Variants in ZNF521 observed in about 807,000 individuals in gnomAD.
ZNF521 encodes LYST-interacting protein 3.
A neutral mutation model predicts 105.5 loss-of-function variants in ZNF521; 14 were observed. The ratio of observed to expected loss-of-function variants is 0.13; its 90% CI spans 0.09 to 0.21. The LOEUF (loss-of-function observed/expected upper bound fraction) is 0.21, where lower values mean the gene tolerates loss of function less well. Among genes scored for constraint, ZNF521 ranks in the 10% least tolerant of loss-of-function variants. The pLI is 1.00. For missense variants in ZNF521, 1,233 were observed against 1,629.7 expected (o/e 0.76, Z 4.19); for synonymous variants, 635 against 606.0 (o/e 1.05, Z -0.70).
intron 2 of ZNF521, among the ~76,000 whole-genome samples, chr18:25,349,356 G>A (rs573243822): frequency 5.3e-5 from 8 of 152,262 alleles, no homozygotes; most frequent in African/African-American, 1.7e-4. Context: ...CAGGCCCTGG[G>A]TCTAGGTTTC....
intron 5 of ZNF521, among the ~76,000 whole-genome samples, chr18:25,167,409 T>C (rs1328141820): frequency 6.6e-6 from 1 of 152,132 alleles, no homozygotes; most frequent in Non-Finnish European, 1.5e-5. Flanking sequence ...TACTCCAAAA[T>C]GACAGAAGTG....
chr18:25,249,469 CTT>C (rs77417621), intron 3 of ZNF521, among the ~76,000 whole-genome samples: 2 of 141,592 alleles, frequency 1.4e-5, no homozygotes, highest in African/African-American at 2.6e-5. Context: ...TACTTTCTTT[CTT>C]TTTTTTTTTT....
chr18:25,073,803 C>T (rs1567949356), intron 7 of ZNF521, among the ~76,000 whole-genome samples: 2 of 151,930 alleles, frequency 1.3e-5, no homozygotes, highest in East Asian at 3.9e-4. Flanking sequence ...AAAAACACTG[C>T]CACACTCCCT....
chr18:25,215,516 G>A (rs2036264526), intron 4 of ZNF521, among the ~76,000 whole-genome samples: 1 of 152,182 alleles, frequency 6.6e-6, no homozygotes, highest in Non-Finnish European at 1.5e-5. Context: ...AATGTGAAAT[G>A]TTTCTCCTAG....
intron 5 of ZNF521, among the ~76,000 whole-genome samples, chr18:25,136,513 A>G (rs1354605637): frequency 6.6e-6 from 1 of 152,124 alleles, no homozygotes; most frequent in Non-Finnish European, 1.5e-5. Context: ...AGGTATTACT[A>G]TTATTATCAA....
chr18:25,082,697 C>T (rs1599984976), intron 7 of ZNF521: 1 of 415,696 alleles, frequency 2.4e-6, no homozygotes, highest in South Asian at 1.8e-5. Flanking sequence ...AAAAAATTAG[C>T]TGGGTGTGGC....
At chr18:25,243,420 A>T (rs989555424) in intron 3 of ZNF521, among the ~76,000 whole-genome samples, 2 of 152,192 alleles carry the variant, frequency 1.3e-5, no homozygotes, top group African/African-American at 4.8e-5. Context: ...CTTTGCCACA[A>T]AACTTTCTCT....
chr18:25,190,549 G>C (rs1292444895), intron 5 of ZNF521, among the ~76,000 whole-genome samples: 2 of 152,048 alleles, frequency 1.3e-5, no homozygotes, highest in African/African-American at 4.8e-5. Flanking sequence ...TCAAAATACT[G>C]GTTTTAGTCT....
intron 2 of ZNF521, 53 bp from the exon 3 acceptor site, chr18:25,322,240 G>A: frequency 6.4e-7 from 1 of 1,562,202 alleles, no homozygotes; most frequent in Non-Finnish European, 8.8e-7. Context: ...TTCTTTTAAA[G>A]TAACATTTAA....
At chr18:25,081,249 G>T (rs192699214) in intron 7 of ZNF521, among the ~76,000 whole-genome samples, 90 of 152,252 alleles carry the variant, frequency 5.9e-4, no homozygotes, top group African/African-American at 2.0e-3. Flanking sequence ...TCAACTCTGG[G>T]CCAGACAAAA....
At chr18:25,102,683 A>G (rs1469071896) in intron 5 of ZNF521, among the ~76,000 whole-genome samples, 1 of 152,052 alleles carries the variant, frequency 6.6e-6, no homozygotes, top group Non-Finnish European at 1.5e-5. Context: ...GCATGGCCTG[A>G]GACTATAGAT....
At chr18:25,152,101 A>G (rs754788036) in intron 5 of ZNF521, among the ~76,000 whole-genome samples, 11 of 152,198 alleles carry the variant, frequency 7.2e-5, no homozygotes, top group Non-Finnish European at 1.5e-4. Context: ...ATCTTTCTAC[A>G]CATTTTTGAA....
At chr18:25,232,562 A>G (rs188820633) in intron 3 of ZNF521, among the ~76,000 whole-genome samples, 5 of 152,362 alleles carry the variant, frequency 3.3e-5, no homozygotes, top group African/African-American at 1.2e-4. Flanking sequence ...GCAAGAAAAT[A>G]AAAGATAAAT....
intron 4 of ZNF521, among the ~76,000 whole-genome samples, chr18:25,220,109 C>CA (rs1415317799): frequency 1.3e-5 from 2 of 152,080 alleles, no homozygotes; most frequent in African/African-American, 4.8e-5. Context: ...AACAAACCTA[C>CA]AGGAAGGGGC....
intron 5 of ZNF521, among the ~76,000 whole-genome samples, chr18:25,182,578 C>A (rs912994850): frequency 1.3e-5 from 2 of 152,132 alleles, no homozygotes; most frequent in Non-Finnish European, 2.9e-5. Context: ...TTATAAAATT[C>A]TTGGTATGAA....
chr18:25,157,014 C>G (rs2035157797), intron 5 of ZNF521, among the ~76,000 whole-genome samples: 1 of 152,076 alleles, frequency 6.6e-6, no homozygotes, highest in African/African-American at 2.4e-5. Context: ...GCCTGGCCAA[C>G]ATGACGAAAA....
chr18:25,241,521 T>C (rs1188816294), intron 3 of ZNF521, among the ~76,000 whole-genome samples: 2 of 152,070 alleles, frequency 1.3e-5, no homozygotes, highest in Non-Finnish European at 2.9e-5. Context: ...TATAAAGAAA[T>C]GCATGGGTCA....
At chr18:25,130,380 T>G (rs1387196783) in intron 5 of ZNF521, among the ~76,000 whole-genome samples, 3 of 152,178 alleles carry the variant, frequency 2.0e-5, no homozygotes, top group South Asian at 2.1e-4. Context: ...GAAAATTTTT[T>G]GGGCAGTGAA....
At chr18:25,187,555 C>T (rs1025073617) in intron 5 of ZNF521, among the ~76,000 whole-genome samples, 1 of 152,012 alleles carries the variant, frequency 6.6e-6, no homozygotes, top group Non-Finnish European at 1.5e-5. Context: ...TAGAAATACA[C>T]AAACATTTCA....
Sources: gnomAD v4.1 joint callset for allele counts (sites outside exome capture counted in the v4.1 genomes callset) on GRCh38, gnomAD v4.1.1 for gene constraint, MANE v1.5 for transcripts, NCBI Gene and HGNC (gene_info 2026-07-23, HGNC 2026-07-21) for gene names.